Variants in ARIH1 observed in about 807,000 individuals in gnomAD.
The protein encoded by ARIH1 is E3 ubiquitin-protein ligase ARIH1.
A neutral mutation model predicts 85.0 loss-of-function variants in ARIH1; 8 were observed. The ratio of observed to expected loss-of-function variants is 0.09; its 90% CI spans 0.06 to 0.17. ARIH1 has a LOEUF of 0.17. Among genes scored for constraint, ARIH1 ranks in the 10% least tolerant of loss-of-function variants. The probability of loss-of-function intolerance (pLI) is 1.00; values close to 1 mark genes in which losing one functional copy is unlikely to be tolerated. For synonymous variants in ARIH1, 238 were observed against 253.6 expected (o/e 0.94, Z 0.59); for missense variants, 311 against 718.1 (o/e 0.43, Z 6.48).
intron 1 of ARIH1, among the ~76,000 whole-genome samples, chr15:72,484,228 A>G (rs1455940081): frequency 6.6e-6 from 1 of 152,058 alleles, no homozygotes; most frequent in Non-Finnish European, 1.5e-5. Flanking sequence ...ACATGCAGTT[A>G]CAAGAAATAA....
At chr15:72,553,781 G>A (rs1168276369) in intron 3 of ARIH1, among the ~76,000 whole-genome samples, 1 of 152,198 alleles carries the variant, frequency 6.6e-6, no homozygotes, top group African/African-American at 2.4e-5. Context: ...GCTGGGCGTG[G>A]TGGTGCGTTT....
intron 1 of ARIH1, among the ~76,000 whole-genome samples, chr15:72,485,799 T>C (rs1012521973): frequency 2.0e-5 from 3 of 152,222 alleles, no homozygotes; most frequent in African/African-American, 7.2e-5. Context: ...TCGTTTGATC[T>C]TGACACTATA....
In ARIH1 at chr15:72,591,013, G is replaced by C. The variant is rs1257629033; in HGVS notation, c.*7721G>C. The stretch of plus-strand genomic sequence containing the variant: ...CTGAGGCAGGTGGATCACGAGGTCG[G>C]GAGTTCGAGACCAGCCTGGCCAACA... On this transcript the variant is annotated 3_prime_UTR_variant, in exon 14 of 14. Coordinates refer to ENST00000379887, the MANE Select transcript of ARIH1 (RefSeq NM_005744.5). 4 of 151,904 alleles carry C rather than the reference G, an allele frequency of 2.6e-5. No individual in the cohort carries two copies. Among genetic ancestry groups the C allele is most frequent in the Admixed American group, 1.3e-4 (2 of 15,236 alleles). The allele number at this position is 151,904 out of a possible 1,614,324, so 9.4% of individuals were successfully genotyped here.
chr15:72,563,859 A>T (rs1347420105), intron 7 of ARIH1, among the ~76,000 whole-genome samples: 1 of 152,188 alleles, frequency 6.6e-6, no homozygotes, highest in Non-Finnish European at 1.5e-5. Context: ...TGCAAAGGAA[A>T]TGTGCAGGTA....
intron 2 of ARIH1, among the ~76,000 whole-genome samples, chr15:72,526,860 CT>C (rs58241698): frequency 0.053 from 7,324 of 138,096 alleles, 255 homozygotes; most frequent in African/African-American, 0.11. Context: ...CTGTCTAATG[CT>C]TTTTTTTTTT....
intron 11 of ARIH1, among the ~76,000 whole-genome samples, chr15:72,576,389 C>T (rs1471235586): frequency 1.3e-5 from 2 of 151,528 alleles, no homozygotes; most frequent in Admixed American, 1.3e-4. Flanking sequence ...ACCTGTAGTC[C>T]CACCTACTCC....
intron 1 of ARIH1, among the ~76,000 whole-genome samples, chr15:72,483,814 T>TA (rs1555483742): frequency 6.6e-6 from 1 of 151,472 alleles, no homozygotes; most frequent in Non-Finnish European, 1.5e-5. Flanking sequence ...TTTTTTTTTT[T>TA]AACTCTAGCT....
chr15:72,550,120 C>A (rs1208416124), intron 3 of ARIH1, among the ~76,000 whole-genome samples: 1 of 152,124 alleles, frequency 6.6e-6, no homozygotes, highest in Non-Finnish European at 1.5e-5. Flanking sequence ...TTTGCTCTAT[C>A]TTTAGACATC....
intron 1 of ARIH1, among the ~76,000 whole-genome samples, chr15:72,489,247 CA>C (rs3028452): frequency 0.022 from 1,809 of 84,074 alleles, 22 homozygotes; most frequent in African/African-American, 0.086. Flanking sequence ...GACCATGTCT[CA>C]AAAAAAAAAA....
Position 72,596,190 on chromosome 15 carries a change from CCTTA to C in ARIH1, c.*12902_*12905del, listed in dbSNP as rs1394561997. 6.6e-6 allele frequency: 1 copy of C among 152,012 alleles called. No homozygotes were observed. Among genetic ancestry groups the C allele is most frequent in the African/African-American group, 2.4e-5 (1 of 41,380 alleles). 9.4% of individuals were successfully genotyped at this position (152,012 alleles called of 1,614,324 possible). A position where few individuals can be genotyped will look rare whatever the true frequency, so the allele number is the denominator to read the frequency against. The stretch of plus-strand genomic sequence containing the variant: ...TCAGCTTTTGTCTATAAGAGAATGT[CCTTA>C]CTTTTATTTTTGAGGGGTATTTTAG... On this transcript the variant is annotated 3_prime_UTR_variant, in exon 14 of 14. Coordinates refer to ENST00000379887, the MANE Select transcript of ARIH1 (RefSeq NM_005744.5).
chr15:72,555,817 TGAATGAAGACA>T, intron 4 of ARIH1, 24 bp from the exon 5 acceptor site: 2 of 1,585,920 alleles, frequency 1.3e-6, no homozygotes, highest in Middle Eastern at 1.7e-4. Flanking sequence ...AAATATTTGT[TGAATGAAGACA>T]GTTTAAATTT....
At chr15:72,562,762 C>T (rs2064202634) in intron 6 of ARIH1, among the ~76,000 whole-genome samples, 1 of 151,742 alleles carries the variant, frequency 6.6e-6, no homozygotes, top group Admixed American at 6.6e-5. Flanking sequence ...TGAAATAGAA[C>T]TGTAAATAAA....
chr15:72,508,820 A>T (rs1178463137), intron 1 of ARIH1, among the ~76,000 whole-genome samples: 1 of 151,390 alleles, frequency 6.6e-6, no homozygotes, highest in Non-Finnish European at 1.5e-5. Flanking sequence ...CAGACTCCCG[A>T]GTAGCTGGGA....
intron 1 of ARIH1, among the ~76,000 whole-genome samples, chr15:72,486,719 A>G (rs1162200411): frequency 2.3e-5 from 2 of 85,258 alleles, no homozygotes; most frequent in African/African-American, 4.0e-5. Flanking sequence ...TTTTTTTGAG[A>G]CAGAGTCTCT....
intron 1 of ARIH1, among the ~76,000 whole-genome samples, chr15:72,488,789 C>G (rs941955515): frequency 1.3e-5 from 2 of 152,160 alleles, no homozygotes; most frequent in African/African-American, 4.8e-5. Context: ...CTAGATAATG[C>G]CAAAGTGGTA....
intron 3 of ARIH1, among the ~76,000 whole-genome samples, chr15:72,548,362 G>A (rs895613012): frequency 1.3e-5 from 2 of 152,082 alleles, no homozygotes; most frequent in African/African-American, 4.8e-5. Flanking sequence ...AAGATTCAGA[G>A]AAAAGATTTA....
rs927822172 is a variant in ARIH1, at chr15:72,597,554, C to A, written c.*14262C>A. ...ATGGGTTTCTCAGCATTTCTGACCCCATTTAGGCTCCAAGAGTGCCTCTGT... is the reference window on the plus strand; with the variant it reads ...ATGGGTTTCTCAGCATTTCTGACCCAATTTAGGCTCCAAGAGTGCCTCTGT... On this transcript the variant is annotated 3_prime_UTR_variant, in exon 14 of 14. Transcript: ENST00000379887. 1 of 152,168 alleles carries A rather than the reference C, an allele frequency of 6.6e-6. No homozygotes were observed. The highest frequency in any genetic ancestry group is 1.5e-5 in the Non-Finnish European group (1 of 68,042). 9.4% of individuals were successfully genotyped at this position (152,168 alleles called of 1,614,324 possible). A position where few individuals can be genotyped will look rare whatever the true frequency, so the allele number is the denominator to read the frequency against.
At chr15:72,551,697 A>G (rs923223119) in intron 3 of ARIH1, among the ~76,000 whole-genome samples, 2 of 152,320 alleles carry the variant, frequency 1.3e-5, no homozygotes, top group South Asian at 4.1e-4. Context: ...GTATGGCAAC[A>G]AAATATGAAC....
At position 72,591,808 on chromosome 15, in the gene ARIH1, A is replaced by T. The variant is rs1426027223; in HGVS notation, c.*8516A>T. The T allele has an allele frequency of 6.6e-6, 1 of 152,196 alleles. No individual in the cohort carries two copies. The highest frequency in any genetic ancestry group is 2.4e-5 in the African/African-American group (1 of 41,448). 9.4% of individuals were successfully genotyped at this position (152,196 alleles called of 1,614,324 possible). ...TCTAATTGCTGGTCTTCCTGGTATG[A>T]ACAAAGATGTTTGCTTGTTAATAAA... On this transcript the variant is annotated 3_prime_UTR_variant, in exon 14 of 14. Transcript: ENST00000379887.
Sources: allele counts gnomAD v4.1 joint callset (sites outside exome capture counted in the v4.1 genomes callset), GRCh38; gene constraint gnomAD v4.1.1; transcripts MANE v1.5; gene names NCBI Gene and HGNC (gene_info 2026-07-23, HGNC 2026-07-21).